Variants in FUS observed in about 807,000 individuals in gnomAD.
FUS encodes the protein RNA-binding protein FUS.
A neutral mutation model predicts 82.7 loss-of-function variants in FUS; 5 were observed. That is an observed-to-expected ratio of 0.06 (90% confidence interval 0.03 to 0.13). FUS has a LOEUF of 0.13. Ranked by LOEUF, FUS falls within the 10% of genes least tolerant of loss-of-function variation. The probability of loss-of-function intolerance (pLI) is 1.00; values close to 1 mark genes in which losing one functional copy is unlikely to be tolerated. For synonymous variants in FUS, 281 were observed against 247.4 expected (o/e 1.14, Z -1.27); for missense variants, 512 against 707.8 (o/e 0.72, Z 3.14).
intron 6 of FUS, chr16:31,185,632 C>T (rs996332668): frequency 2.7e-5 from 13 of 490,104 alleles, no homozygotes; most frequent in Middle Eastern, 3.0e-4. Flanking sequence ...ATTGGCTACT[C>T]TTCCCGTTTT....
intron 1 of FUS, chr16:31,182,080 T>A: frequency 2.6e-6 from 1 of 388,228 alleles, no homozygotes; most frequent in Non-Finnish European, 4.9e-6. Context: ...AACCTCTGCC[T>A]CCCGGGTTCA....
At chr16:31,186,927 G>GTTAA in intron 7 of FUS, 91 bp downstream of exon 7, 1 of 1,342,962 alleles carries the variant, frequency 7.4e-7, no homozygotes, top group South Asian at 1.2e-5. Context: ...TAATTTAAAT[G>GTTAA]TCAAAGGTTT....
downstream of FUS, chr16:31,192,808 G>A (rs2079378698): frequency 2.1e-6 from 1 of 481,676 alleles, no homozygotes; most frequent in Non-Finnish European, 4.1e-6. Flanking sequence ...CTGACCTCAG[G>A]TGATCCACCT....
downstream of FUS, chr16:31,194,341 T>A (rs1217551227): frequency 1.3e-5 from 7 of 523,512 alleles, no homozygotes; most frequent in Non-Finnish European, 2.2e-5. Flanking sequence ...CAGGCTGGAT[T>A]GCAGTGGTGT....
intron 3 of FUS, chr16:31,183,516 T>C: frequency 2.8e-6 from 1 of 351,678 alleles, no homozygotes; most frequent in Non-Finnish European, 5.5e-6. Context: ...GGTCCTGAAG[T>C]GTAACTAAGA....
chr16:31,188,260 G>T lies in FUS; in HGVS notation c.800-65G>T, dbSNP rs2079300164. ...TTTTCCTTGTCCGTTTTTTCCTGTT[G>T]ACTAACGGCTCATCTTTTCCTTGTT... On this transcript the variant is annotated intron_variant, in intron 7 of 14. Coordinates refer to ENST00000254108, the MANE Select transcript of FUS (RefSeq NM_004960.4). The T allele has an allele frequency of 6.4e-6, 10 of 1,553,448 alleles. No homozygotes were observed. The South Asian group carries it at 1.2e-4, about 18-fold the overall frequency.
chr16:31,186,956 C>A, intron 7 of FUS, 120 bp downstream of exon 7: 1 of 967,898 alleles, frequency 1.0e-6, no homozygotes, highest in East Asian at 2.4e-5. Flanking sequence ...CCAGAACCAC[C>A]TCCAGAAAGG....
At chr16:31,191,375 T>C in intron 14 of FUS, 24 bp from the exon 15 acceptor site, 1 of 1,602,354 alleles carries the variant, frequency 6.2e-7, no homozygotes, top group Non-Finnish European at 8.5e-7. Flanking sequence ...AATGGATACT[T>C]AATTTTTTTT....
Position 31,191,494 on chromosome 16 carries a change from C to G in FUS, c.*56C>G. The G allele has an allele frequency of 1.9e-6, 3 of 1,586,408 alleles. No individual in the cohort carries two copies. Among genetic ancestry groups the G allele is most frequent in the Non-Finnish European group, 2.6e-6 (3 of 1,155,262 alleles). On this transcript the variant is annotated 3_prime_UTR_variant, in exon 15 of 15. Transcript: ENST00000254108. The stretch of plus-strand genomic sequence containing the variant: ...TTTTTGTCCTGTACCCAGTGTTACC[C>G]TCGTTATTTTGTAACCTTCCAATTC...
rs2079192900 is a variant in FUS, at chr16:31,182,409, C to G, written c.25C>G (p.Gln9Glu). 1.2e-6 allele frequency: 2 copies of G among 1,614,224 alleles called. No homozygotes were observed. The highest frequency in any genetic ancestry group is 1.7e-6 in the Non-Finnish European group (2 of 1,180,024). The change falls in exon 2 of 15, where the codon CAA (glutamine) becomes GAA (glutamate). Residue 9 changes from glutamine (Q) to glutamate (E), a missense_variant. Around this residue, in one of 6 missense-constraint regions of FUS, gnomAD observed 276 missense variants for 303.3 expected, o/e 0.91. Coordinates refer to ENST00000254108, the MANE Select transcript of FUS (RefSeq NM_004960.4). ...TTTTTCTTTTGCAGATTATACCCAA[C>G]AAGCAACCCAAAGGTGAGTGCTATT... Reference protein sequence around the residue: MASNDYTQQATQSYGAYPT... With the variant: MASNDYTQEATQSYGAYPT...
intron 3 of FUS, 21 bp downstream of exon 3, chr16:31,182,685 C>T (rs1173290073): frequency 5.0e-6 from 8 of 1,613,890 alleles, no homozygotes; most frequent in African/African-American, 2.7e-5. Context: ...CTCAGCGGGT[C>T]ACCTCTTCCT....
chr16:31,189,971 G>T (rs1415355534), intron 10 of FUS, 69 bp from the exon 11 acceptor site: 5 of 1,555,254 alleles, frequency 3.2e-6, no homozygotes, highest in Non-Finnish European at 1.8e-6. Context: ...AGAAAGGCAC[G>T]CTTCTCTTGT....
At chr16:31,184,543 G>A (rs1260604061) in intron 5 of FUS, 147 bp downstream of exon 5, 8 of 840,460 alleles carry the variant, frequency 9.5e-6, no homozygotes, top group East Asian at 5.3e-5. Context: ...TTCCGGGTTC[G>A]CGCCAGTCTC....
At chr16:31,187,601 C>G in intron 7 of FUS, 1 of 231,048 alleles carries the variant, frequency 4.3e-6, no homozygotes, top group Non-Finnish European at 8.6e-6. Flanking sequence ...TGATTTGTTT[C>G]AAGATTTAAA....
At chr16:31,181,062 G>A (rs2079169584) in intron 1 of FUS, among the ~76,000 whole-genome samples, 1 of 152,132 alleles carries the variant, frequency 6.6e-6, no homozygotes. Context: ...ATAGGCGCCC[G>A]CCACCACAGC....
chr16:31,182,389 C>G lies in FUS; in HGVS notation c.14-9C>G, dbSNP rs199867740. On this transcript the variant is annotated splice_polypyrimidine_tract_variant and intron_variant, in intron 1 of 14. Coordinates refer to ENST00000254108, the MANE Select transcript of FUS (RefSeq NM_004960.4). ...CTGAAGATAATGTGATTGTATTTTT[C>G]TTTTGCAGATTATACCCAACAAGCA... 113 of 1,613,856 alleles carry G rather than the reference C, an allele frequency of 7.0e-5. No homozygotes were observed. Among genetic ancestry groups the G allele is most frequent in the Non-Finnish European group, 9.4e-5 (111 of 1,179,968 alleles).
chr16:31,191,608 T>C (rs1472894010), downstream of FUS: 1 of 778,522 alleles, frequency 1.3e-6, no homozygotes, highest in Admixed American at 2.0e-5. Flanking sequence ...TAGTTAAATT[T>C]TGTTCCTCTT....
At chr16:31,193,334 G>A, downstream of FUS, 1 of 523,452 alleles carries the variant, frequency 1.9e-6, no homozygotes, top group Non-Finnish European at 3.7e-6. Flanking sequence ...GCCTTCCCAG[G>A]CATTGCTTTG....
At chr16:31,191,352 G>A (rs778382707) in intron 14 of FUS, 47 bp from the exon 15 acceptor site, 10 of 1,608,716 alleles carry the variant, frequency 6.2e-6, no homozygotes, top group Non-Finnish European at 7.7e-6. Flanking sequence ...GGAGAGGCTG[G>A]TAACTCAAAT....
Sources: allele counts gnomAD v4.1 joint callset (sites outside exome capture counted in the v4.1 genomes callset), GRCh38; gene constraint gnomAD v4.1.1; regional missense constraint gnomAD v4.1.1; transcripts MANE v1.5; gene names NCBI Gene and HGNC (gene_info 2026-07-23, HGNC 2026-07-21).